MAPRE2: variants seen among roughly 807,000 people sequenced by gnomAD.
The protein encoded by MAPRE2 is microtubule-associated protein RP/EB family member 2.
A neutral mutation model predicts 43.2 loss-of-function variants in MAPRE2; 13 were observed. The observed-to-expected ratio is 0.30, with a 90% CI of 0.20 to 0.48. The LOEUF is 0.48. MAPRE2 is among the 20% of genes least tolerant of loss of function. The pLI is 0.99. For missense variants in MAPRE2, 161 were observed against 400.2 expected, an observed-to-expected ratio of 0.40 and a Z score of 5.10; for synonymous variants, 135 against 148.8, an observed-to-expected ratio of 0.91 and a Z score of 0.68.
At chr18:35,063,467 A>T (rs916167598) in intron 1 of MAPRE2, among the ~76,000 whole-genome samples, 5 of 145,620 alleles carry the variant, frequency 3.4e-5, no homozygotes, top group African/African-American at 1.4e-4. Context: ...TTAAGGAGTG[A>T]CATAAAGAAG....
chr18:35,077,823 T>G (rs896175954), intron 2 of MAPRE2, among the ~76,000 whole-genome samples: 1 of 152,242 alleles, frequency 6.6e-6, no homozygotes, highest in African/African-American at 2.4e-5. Flanking sequence ...TTAAAGTACA[T>G]AATGATATGC....
chr18:35,001,812 A>T (rs2097029506), intron 1 of MAPRE2, among the ~76,000 whole-genome samples: 1 of 152,226 alleles, frequency 6.6e-6, no homozygotes, highest in Admixed American at 6.5e-5. Flanking sequence ...AAGGTAAGAA[A>T]ATAAAACTAA....
chr18:35,035,403 C>A (rs1005541844), intron 2 of MAPRE2, among the ~76,000 whole-genome samples: 2 of 151,662 alleles, frequency 1.3e-5, no homozygotes, highest in Non-Finnish European at 2.9e-5. Flanking sequence ...AGGAGATATA[C>A]CTAATGCTAA....
At chr18:35,023,821 G>A (rs987446224) in intron 2 of MAPRE2, among the ~76,000 whole-genome samples, 5 of 152,006 alleles carry the variant, frequency 3.3e-5, no homozygotes, top group Non-Finnish European at 5.9e-5. Context: ...TGATGCCCAG[G>A]ATAATTCTTA....
intron 4 of MAPRE2, among the ~76,000 whole-genome samples, chr18:35,111,095 A>G (rs1364349849): frequency 6.6e-6 from 1 of 152,156 alleles, no homozygotes; most frequent in African/African-American, 2.4e-5. Flanking sequence ...TTCTGAAATT[A>G]TAACACAAGT....
At chr18:34,984,371 A>G (rs1052513002) in intron 1 of MAPRE2, 1 of 152,142 alleles carries the variant, frequency 6.6e-6, no homozygotes, top group Non-Finnish European at 1.5e-5. Flanking sequence ...GTTATATATA[A>G]CTGGTGTTCT....
At chr18:35,138,869 T>C (rs1161444858) in intron 6 of MAPRE2, among the ~76,000 whole-genome samples, 1 of 152,104 alleles carries the variant, frequency 6.6e-6, no homozygotes. Context: ...TTACTGCCTC[T>C]CAGAAAATAA....
At chr18:35,009,594 A>T (rs2097033430) in intron 2 of MAPRE2, among the ~76,000 whole-genome samples, 1 of 152,158 alleles carries the variant, frequency 6.6e-6, no homozygotes, top group Non-Finnish European at 1.5e-5. Flanking sequence ...AGTTTCTTGT[A>T]ATTGCACTTG....
intron 4 of MAPRE2, among the ~76,000 whole-genome samples, chr18:35,107,844 CAG>C (rs546735718): frequency 7.7e-4 from 117 of 152,066 alleles, no homozygotes; most frequent in Admixed American, 1.5e-3. Context: ...ACATTTGCTG[CAG>C]AGTCTGTTGA....
intron 6 of MAPRE2, among the ~76,000 whole-genome samples, chr18:35,132,821 G>A (rs1256042481): frequency 6.6e-6 from 1 of 152,206 alleles, no homozygotes; most frequent in Admixed American, 6.5e-5. Flanking sequence ...AAATGGAGGA[G>A]GAATAAGAAT....
At position 35,014,864 on chromosome 18, in the gene MAPRE2, C is replaced by G. The variant is rs535547784; in HGVS notation, c.-8+9311C>G. Among the ~76,000 whole-genome samples, 3 of 152,258 alleles carry G rather than the reference C, an allele frequency of 2.0e-5. No homozygotes were observed. The South Asian group carries it at 6.2e-4, about 32-fold the overall frequency. On this transcript the variant is annotated intron_variant, in intron 2 of 7. Coordinates refer to the MAPRE2 transcript ENST00000413393. ...CTACACTATGCTTAGTGCACCTTTA[C>G]CACGTTGTAAATCCATGGCATTGCC... is the stretch of plus-strand genomic sequence containing the variant.
chr18:35,088,119 G>C (rs1345653246), intron 2 of MAPRE2, among the ~76,000 whole-genome samples: 1 of 152,150 alleles, frequency 6.6e-6, no homozygotes, highest in Non-Finnish European at 1.5e-5. Flanking sequence ...ATGCATTTTG[G>C]AGGGGATATC....
At chr18:34,992,101 G>A (rs1371042210) in intron 1 of MAPRE2, among the ~76,000 whole-genome samples, 2 of 152,076 alleles carry the variant, frequency 1.3e-5, no homozygotes, top group Admixed American at 1.3e-4. Flanking sequence ...TTGGTTGAGC[G>A]ACTTTTGGAC....
chr18:35,107,240 T>G (rs938408609), intron 4 of MAPRE2, among the ~76,000 whole-genome samples: 4 of 152,172 alleles, frequency 2.6e-5, no homozygotes, highest in Non-Finnish European at 5.9e-5. Context: ...GCAACCTAAG[T>G]AGAATAGAAT....
chr18:35,069,177 A>G (rs890190609), intron 1 of MAPRE2, among the ~76,000 whole-genome samples: 1 of 152,180 alleles, frequency 6.6e-6, no homozygotes, highest in Non-Finnish European at 1.5e-5. Context: ...CTTCAACAAC[A>G]ACTTTTTTTT....
chr18:35,030,849 C>T (rs993781134), intron 2 of MAPRE2, among the ~76,000 whole-genome samples: 1 of 152,174 alleles, frequency 6.6e-6, no homozygotes, highest in African/African-American at 2.4e-5. Context: ...ACTCACTGTG[C>T]TACATACATG....
At chr18:35,102,846 A>G (rs758515019) in intron 4 of MAPRE2, among the ~76,000 whole-genome samples, 1 of 152,234 alleles carries the variant, frequency 6.6e-6, no homozygotes, top group Non-Finnish European at 1.5e-5. Context: ...ATTATTAGAA[A>G]CACAGTTGGG....
At chr18:35,081,614 G>A (rs770886294) in intron 2 of MAPRE2, among the ~76,000 whole-genome samples, 2 of 151,942 alleles carry the variant, frequency 1.3e-5, no homozygotes, top group Non-Finnish European at 2.9e-5. Flanking sequence ...GGACTGGACT[G>A]GGGAGAGTGG....
At position 35,128,590 on chromosome 18, in the gene MAPRE2, G is replaced by C. The variant is rs527813628; in HGVS notation, c.750+1503G>C. Reference sequence around the variant, plus strand: ...ATTTAAAGTATACAGGAGTATGTGCGTAGGTTGTATGCAAATACGATGCCA... The same window carrying C: ...ATTTAAAGTATACAGGAGTATGTGCCTAGGTTGTATGCAAATACGATGCCA... On this transcript the variant is annotated intron_variant, in intron 5 of 6. Transcript: ENST00000300249. Among the ~76,000 whole-genome samples, 9 of 152,184 alleles carry C rather than the reference G, an allele frequency of 5.9e-5. 1 individual carries two copies. Among genetic ancestry groups the C allele is most frequent in the South Asian group, 4.1e-4 (2 of 4,832 alleles).
Sources: gnomAD v4.1 joint callset for allele counts (sites outside exome capture counted in the v4.1 genomes callset) on GRCh38, gnomAD v4.1.1 for gene constraint, MANE v1.5 for transcripts, NCBI Gene and HGNC (gene_info 2026-07-23, HGNC 2026-07-21) for gene names.